Variants in ZDHHC11B observed in about 807,000 individuals in gnomAD.
ZDHHC11B encodes probable palmitoyltransferase ZDHHC11B.
A neutral mutation model predicts 42.3 loss-of-function variants in ZDHHC11B; 17 were observed. The observed-to-expected ratio is 0.40, with a 90% confidence interval of 0.27 to 0.60. The LOEUF (loss-of-function observed/expected upper bound fraction) is 0.60, where lower values mean the gene tolerates loss of function less well. Ranked by LOEUF, ZDHHC11B falls within the 20% of genes least tolerant of loss-of-function variation. ZDHHC11B has a pLI of 0.41. For synonymous variants in ZDHHC11B, 123 were observed against 193.5 expected (o/e 0.64, Z 3.02); for missense variants, 262 against 463.2 (o/e 0.57, Z 3.99).
intron 1 of ZDHHC11B, among the ~76,000 whole-genome samples, chr5:775,965 CCCTGGGGG>C (rs1736441901): frequency 7.0e-6 from 1 of 141,954 alleles, no homozygotes; most frequent in African/African-American, 2.7e-5. Flanking sequence ...TGCCAGGAAC[CCCTGGGGG>C]TCCCTGGTCC....
At chr5:743,497 T>C (rs1467279604) in intron 9 of ZDHHC11B, among the ~76,000 whole-genome samples, 1 of 148,452 alleles carries the variant, frequency 6.7e-6, no homozygotes, top group African/African-American at 2.5e-5. Flanking sequence ...TAGATAAGTT[T>C]TGGGGAAAAT....
At chr5:750,651 T>C (rs378256) in intron 7 of ZDHHC11B, among the ~76,000 whole-genome samples, 90,532 of 112,522 alleles carry the variant, frequency 0.8, 39,042 homozygotes, top group East Asian at 0.95. Flanking sequence ...GTGTGAGCAT[T>C]GGTTCCCGAG....
At chr5:717,843 T>C (rs1205538304) in intron 12 of ZDHHC11B, among the ~76,000 whole-genome samples, 1 of 151,666 alleles carries the variant, frequency 6.6e-6, no homozygotes, top group Non-Finnish European at 1.5e-5. Context: ...GATGGGGTGA[T>C]TAGCTGGGGG....
chr5:745,160 A>T (rs436541), intron 9 of ZDHHC11B, 23 bp downstream of exon 9: 661,826 of 982,220 alleles, frequency 0.67, 276,407 homozygotes, highest in East Asian at 0.98. Flanking sequence ...CCTGGAGAAA[A>T]GGAGCAGAGA....
At chr5:746,133 T>C (rs1246406926) in intron 8 of ZDHHC11B, among the ~76,000 whole-genome samples, 4 of 148,442 alleles carry the variant, frequency 2.7e-5, no homozygotes, top group African/African-American at 9.8e-5. Flanking sequence ...GCTCTGCACC[T>C]ATTTCAGCCA....
At position 748,455 on chromosome 5, in the gene ZDHHC11B, G is replaced by A. The variant is rs192498543; in HGVS notation, c.733C>T (p.Leu245Phe). ...TGGCCCAGCTGCACCAAGCCAAGAA[G>A]GTCCAGCAGGAGCACGAGCATCCTG... ...IIRMLVLLLDLLGLVQLGQLL... is the reference protein window; with the variant it reads ...IIRMLVLLLDFLGLVQLGQLL... The change falls in exon 8 of 14, where the codon CTT (leucine) becomes TTT (phenylalanine). Residue 245 changes from leucine (L) to phenylalanine (F), a missense_variant. By Grantham distance (22) the Leu-to-Phe change is conservative. Transcript: ENST00000508859. 3.5e-4 allele frequency: 471 copies of A among 1,361,766 alleles called. 127 individuals carry two copies. The highest frequency in any genetic ancestry group is 1.3e-3 in the South Asian group (83 of 61,906). The allele number at this position is 1,361,766 out of a possible 1,614,324, so 84.4% of individuals were successfully genotyped here. A position where few individuals can be genotyped will look rare whatever the true frequency, so the allele number is the denominator to read the frequency against.
At chr5:733,496 T>C (rs1406748886) in intron 11 of ZDHHC11B, among the ~76,000 whole-genome samples, 1 of 151,672 alleles carries the variant, frequency 6.6e-6, no homozygotes, top group East Asian at 1.9e-4. Context: ...CCGCAGCTTC[T>C]TGGTGGTGCT....
rs1173387595 is a variant in ZDHHC11B, at chr5:750,516, C to A, written c.628+617G>T. On this transcript the variant is annotated intron_variant, in intron 7 of 13. Transcript: ENST00000508859. ...GGGACATCCCAGCATGACCCTCCCA[C>A]CTCAGATATTAAGTCACAGCCGCAG... 4.6e-5 allele frequency among the ~76,000 whole-genome samples: 6 copies of A among 130,598 alleles called. 1 individual carries two copies. Among genetic ancestry groups the A allele is most frequent in the Non-Finnish European group, 6.8e-5 (4 of 58,540 alleles). The allele number at this position is 130,598 out of a possible 152,430, so 85.7% of individuals were successfully genotyped here. A position where few individuals can be genotyped will look rare whatever the true frequency, so the allele number is the denominator to read the frequency against.
In ZDHHC11B at chr5:763,368, C is replaced by CT. The variant is rs201050128; in HGVS notation, c.222+3329dup. 7.2e-3 allele frequency among the ~76,000 whole-genome samples: 916 copies of CT among 126,924 alleles called. 22 individuals are homozygous for CT. The highest frequency in any genetic ancestry group is 0.011 in the Non-Finnish European group (666 of 58,350). The allele number at this position is 126,924 out of a possible 152,430, so 83.3% of individuals were successfully genotyped here. On this transcript the variant is annotated intron_variant, in intron 4 of 13. Coordinates refer to ENST00000508859, the MANE Select transcript of ZDHHC11B (RefSeq NM_001351303.2). ...TGGGTGACAAGAGTGAGACTCCCAT[C>CT]TCGGGAAAAAAAAAAAAAAGAAGAA...
At position 745,322 on chromosome 5, in the gene ZDHHC11B, G is replaced by A. The variant is rs545182165; in HGVS notation, c.785-24C>T. The stretch of plus-strand genomic sequence containing the variant: ...CTCTGGAAAGGGAAAAGGAGGAACA[G>A]GACAAGTTACCAGCCCTGCGGCTTT... On this transcript the variant is annotated intron_variant, in intron 8 of 13. Coordinates refer to ENST00000508859, the MANE Select transcript of ZDHHC11B (RefSeq NM_001351303.2). 1.5e-5 allele frequency: 23 copies of A among 1,580,984 alleles called. 1 individual carries two copies. In the Admixed American group the frequency reaches 3.4e-4, roughly 24 times the overall value.
chr5:762,344 G>A (rs1378708099), intron 4 of ZDHHC11B, among the ~76,000 whole-genome samples: 12 of 151,858 alleles, frequency 7.9e-5, no homozygotes, highest in Non-Finnish European at 1.5e-4. Context: ...GGTTGCAAGA[G>A]GGATGCAGCA....
rs996696249 is a variant in ZDHHC11B at position 784,000 on chromosome 5, G to C, written c.-230+668C>G. Among the ~76,000 whole-genome samples the C allele has an allele frequency of 7.9e-5, 12 of 151,294 alleles. 1 individual carries two copies. Among genetic ancestry groups the C allele is most frequent in the African/African-American group, 2.7e-4 (11 of 41,236 alleles). On this transcript the variant is annotated intron_variant, in intron 1 of 13. Transcript: ENST00000508859. ...AGAATAAAGGGCTCCTCAGATCCTC[G>C]GGCGCTGCTCCCAGGGGTGCGGGAA...
chr5:743,241 C>T (rs1237445308), intron 9 of ZDHHC11B, among the ~76,000 whole-genome samples: 1 of 149,452 alleles, frequency 6.7e-6, no homozygotes, highest in African/African-American at 2.5e-5. Flanking sequence ...GTCGGCGCCA[C>T]ACTGTTTTTA....
intron 8 of ZDHHC11B, among the ~76,000 whole-genome samples, chr5:746,968 A>C (rs1370276752): frequency 8.1e-6 from 1 of 123,224 alleles, no homozygotes; most frequent in Admixed American, 9.5e-5. Context: ...GACTCTAAGC[A>C]TCTGAGGGTG....
chr5:764,753 C>T (rs1481685833), intron 4 of ZDHHC11B, among the ~76,000 whole-genome samples: 5 of 151,942 alleles, frequency 3.3e-5, no homozygotes, highest in African/African-American at 9.7e-5. Context: ...GGGCACATGG[C>T]ACGGGACTGG....
chr5:783,320 G>A (rs1435393087), intron 1 of ZDHHC11B, among the ~76,000 whole-genome samples: 1 of 152,280 alleles, frequency 6.6e-6, no homozygotes, highest in African/African-American at 2.4e-5. Context: ...TCAAGGCGCC[G>A]GCATCAGGCT....
rs371933548 is a variant in ZDHHC11B, at chr5:759,962, C to T, written c.223-3818G>A. Among the ~76,000 whole-genome samples, 5 of 151,978 alleles carry T rather than the reference C, an allele frequency of 3.3e-5. No individual in the cohort carries two copies. The South Asian group carries it at 6.3e-4, about 19-fold the overall frequency. ...GAGGTGCAGGCATGGGGAGTGCAGC[C>T]GGGGATGCCGTCCTGAGCCCAGCGC... On this transcript the variant is annotated intron_variant, in intron 4 of 13. Transcript: ENST00000508859.
intron 9 of ZDHHC11B, among the ~76,000 whole-genome samples, chr5:742,342 T>A (rs547996752): frequency 1.4e-5 from 2 of 146,910 alleles, no homozygotes; most frequent in Non-Finnish European, 3.0e-5. Context: ...TGTTTGTTGT[T>A]TTTTTACAAT....
At chr5:724,056 G>C (rs1289883703) in intron 12 of ZDHHC11B, among the ~76,000 whole-genome samples, 2 of 151,150 alleles carry the variant, frequency 1.3e-5, no homozygotes, top group East Asian at 3.9e-4. Context: ...CTCTGCCTGA[G>C]CTGTCCTCTG....
Sources: gnomAD v4.1 joint callset for allele counts (sites outside exome capture counted in the v4.1 genomes callset) on GRCh38, gnomAD v4.1.1 for gene constraint, MANE v1.5 for transcripts, NCBI Gene and HGNC (gene_info 2026-07-23, HGNC 2026-07-21) for gene names.